The following MALRD1 variants were observed in gnomAD, a reference collection of about 807,000 sequenced individuals.
MALRD1 encodes the protein MAM and LDL-receptor class A domain-containing protein 1.
MALRD1 carries 247 observed loss-of-function variants against 242.1 expected under a neutral mutation model. The observed-to-expected ratio is 1.02, with a 90% CI of 0.92 to 1.13. The LOEUF is 1.13. Ranked by LOEUF, MALRD1 falls within the 50% of genes most tolerant of loss-of-function variation. The pLI is 0.00. For missense variants in MALRD1, 2,989 were observed against 2,533.1 expected (o/e 1.18, Z -3.86); for synonymous variants, 995 against 866.6 (o/e 1.15, Z -2.60).
chr10:19,380,684 G>T (rs1045262008), intron 26 of MALRD1, among the ~76,000 whole-genome samples: 1 of 151,954 alleles, frequency 6.6e-6, no homozygotes, highest in Admixed American at 6.6e-5. Flanking sequence ...ACATTATATA[G>T]AATTTAAAAA....
At chr10:19,289,268 T>A (rs1170809344) in intron 21 of MALRD1, among the ~76,000 whole-genome samples, 1 of 152,094 alleles carries the variant, frequency 6.6e-6, no homozygotes, top group Non-Finnish European at 1.5e-5. Context: ...TAATTTGTAT[T>A]TCCGTATTTC....
intron 24 of MALRD1, among the ~76,000 whole-genome samples, chr10:19,335,342 C>G (rs1446284872): frequency 6.6e-6 from 1 of 151,874 alleles, no homozygotes; most frequent in Non-Finnish European, 1.5e-5. Flanking sequence ...CTGATTTTGG[C>G]GTTGGTTGCC....
chr10:19,380,912 TC>T (rs1416964591), intron 26 of MALRD1, among the ~76,000 whole-genome samples: 31 of 34,984 alleles, frequency 8.9e-4, no homozygotes, highest in African/African-American at 4.5e-3. Flanking sequence ...CAATTTCTTT[TC>T]TTTTTTTTTT....
At chr10:19,592,757 A>ACG (rs1295778942) in intron 33 of MALRD1, among the ~76,000 whole-genome samples, 2,212 of 119,928 alleles carry the variant, frequency 0.018, 46 homozygotes, top group Non-Finnish European at 0.023. Context: ...ACACACACAC[A>ACG]CACACGCACG....
intron 38 of MALRD1, among the ~76,000 whole-genome samples, chr10:19,719,223 C>CATATAT (rs368394538): frequency 0.03 from 2,266 of 76,142 alleles, 101 homozygotes; most frequent in Non-Finnish European, 0.038. Flanking sequence ...CACATACATA[C>CATATAT]ATATATATAT....
At position 19,429,025 on chromosome 10, in the gene MALRD1, T is replaced by C. The variant is rs192247076; in HGVS notation, c.4846-21282T>C. On this transcript the variant is annotated intron_variant, in intron 28 of 39. Transcript: ENST00000454679. The stretch of plus-strand genomic sequence containing the variant: ...GTATTCCTGTATGTTATTATGGAAC[T>C]GCTATTACAAACTTACTGGGCTATT... 2.0e-5 allele frequency among the ~76,000 whole-genome samples: 3 copies of C among 152,366 alleles called. No homozygotes were observed. The East Asian group carries it at 5.8e-4, about 29-fold the overall frequency.
At chr10:19,607,652 A>C in intron 34 of MALRD1, 125 bp from the exon 35 acceptor site, 1 of 1,256,876 alleles carries the variant, frequency 8.0e-7, no homozygotes, top group Non-Finnish European at 1.1e-6. Flanking sequence ...GTGTTCTAAA[A>C]TATCAGACTA....
intron 5 of MALRD1, among the ~76,000 whole-genome samples, chr10:19,121,431 GT>G (rs1837061380): frequency 6.6e-6 from 1 of 152,204 alleles, no homozygotes; most frequent in Admixed American, 6.5e-5. Context: ...ATTGACATAG[GT>G]TCAAGAGAGA....
At chr10:19,593,232 T>C (rs1837910455) in intron 33 of MALRD1, among the ~76,000 whole-genome samples, 1 of 152,168 alleles carries the variant, frequency 6.6e-6, no homozygotes, top group Non-Finnish European at 1.5e-5. Flanking sequence ...TAAAACATGA[T>C]AGCGATGTCT....
chr10:19,076,175 G>T lies in MALRD1; in HGVS notation c.340+9316G>T, dbSNP rs1309778829. Among the ~76,000 whole-genome samples, 20 of 151,792 alleles carry T rather than the reference G, an allele frequency of 1.3e-4. 1 individual carries two copies. The highest frequency in any genetic ancestry group is 1.3e-3 in the Admixed American group (20 of 15,206). Reference sequence around the variant, plus strand: ...CCTTTAGATCATGCCAAAAATTAAGGATCTGTCTTCCATTAATGCCACTTG... The same window carrying T: ...CCTTTAGATCATGCCAAAAATTAAGTATCTGTCTTCCATTAATGCCACTTG... On this transcript the variant is annotated intron_variant, in intron 2 of 39. Transcript: ENST00000454679.
chr10:19,303,668 T>G (rs939612982), intron 21 of MALRD1, among the ~76,000 whole-genome samples: 5 of 151,758 alleles, frequency 3.3e-5, no homozygotes, highest in African/African-American at 1.2e-4. Context: ...CTATAATACA[T>G]TAACTTATTT....
At chr10:19,391,830 G>A (rs1368648855) in intron 28 of MALRD1, among the ~76,000 whole-genome samples, 1 of 152,190 alleles carries the variant, frequency 6.6e-6, no homozygotes, top group African/African-American at 2.4e-5. Flanking sequence ...TGAAGTTTTA[G>A]GCTTCAAGTG....
intron 31 of MALRD1, among the ~76,000 whole-genome samples, chr10:19,517,971 G>T (rs1300173935): frequency 6.6e-6 from 1 of 152,146 alleles, no homozygotes; most frequent in Non-Finnish European, 1.5e-5. Context: ...AAATCAGGTA[G>T]CACTCAGAAC....
At position 19,703,321 on chromosome 10, in the gene MALRD1, G is replaced by A. The variant is rs1299437345; in HGVS notation, c.6314+10767G>A. Among the ~76,000 whole-genome samples, 4 of 152,136 alleles carry A rather than the reference G, an allele frequency of 2.6e-5. No individual in the cohort carries two copies. The East Asian group carries it at 7.7e-4, about 29-fold the overall frequency. ...TGCTTCCTGTCCCTGTAACAAAGTA[G>A]TGTTACCTAGAGGTTGATTGTATAT... On this transcript the variant is annotated intron_variant, in intron 38 of 39. Transcript: ENST00000454679.
At chr10:19,729,505 T>TTG (rs376101597) in intron 38 of MALRD1, among the ~76,000 whole-genome samples, 7,362 of 148,814 alleles carry the variant, frequency 0.049, 355 homozygotes, top group African/African-American at 0.13. Flanking sequence ...CCATTCTCCA[T>TTG]TGTGTGTGTG....
In MALRD1 at chr10:19,615,941, AT is replaced by A. The variant is rs10580913; in HGVS notation, c.6137+29del. The A allele has an allele frequency of 0.015, 22,373 of 1,453,734 alleles. 1,730 individuals carry two copies. In the African/African-American group the frequency reaches 0.22, roughly 14 times the overall value. 90.1% of individuals were successfully genotyped at this position (1,453,734 alleles called of 1,614,324 possible). Reference sequence around the variant, plus strand: ...ATGTGTCGGTAAGAAGCATTGTTTAATTTTTTTTTTTAAGATTTTTTGGAGT... The same window carrying A: ...ATGTGTCGGTAAGAAGCATTGTTTAATTTTTTTTTTAAGATTTTTTGGAGT... On this transcript the variant is annotated intron_variant, in intron 36 of 39. Coordinates refer to ENST00000454679, the MANE Select transcript of MALRD1 (RefSeq NM_001142308.3).
intron 29 of MALRD1, among the ~76,000 whole-genome samples, chr10:19,458,307 G>A (rs977871591): frequency 6.6e-6 from 1 of 152,076 alleles, no homozygotes; most frequent in South Asian, 2.1e-4. Context: ...TTTAAAAATA[G>A]CTTGTTATAA....
intron 5 of MALRD1, among the ~76,000 whole-genome samples, chr10:19,118,188 A>C (rs1339195814): frequency 2.0e-5 from 3 of 152,220 alleles, no homozygotes; most frequent in African/African-American, 7.2e-5. Flanking sequence ...AGTAGAGGAA[A>C]TAAGCCATGT....
intron 38 of MALRD1, among the ~76,000 whole-genome samples, chr10:19,708,328 CTTTTTCTTTTTCT>C (rs1482475263): frequency 1.0e-5 from 1 of 97,166 alleles, no homozygotes; most frequent in African/African-American, 3.5e-5. Context: ...CCTTCTTTTT[CTTTTTCTTTTTCT>C]TTTTTTTTTT....
Sources: gnomAD v4.1 joint callset for allele counts (sites outside exome capture counted in the v4.1 genomes callset) on GRCh38, gnomAD v4.1.1 for gene constraint, MANE v1.5 for transcripts, NCBI Gene and HGNC (gene_info 2026-07-23, HGNC 2026-07-21) for gene names.